The following ADD3 variants were observed in gnomAD, a reference collection of about 807,000 sequenced individuals.
The protein encoded by ADD3 is adducin 3, also known as gamma-adducin.
In ADD3, 25 loss-of-function variants were observed where a neutral mutation model predicts 80.2. The ratio of observed to expected loss-of-function variants is 0.31; its 90% CI spans 0.23 to 0.44. ADD3 has a LOEUF of 0.44. Ranked by LOEUF, ADD3 falls within the 20% of genes least tolerant of loss-of-function variation. The pLI is 1.00. For missense variants in ADD3, 829 were observed against 847.5 expected, an observed-to-expected ratio of 0.98 and a Z score of 0.27; for synonymous variants, 284 against 289.6, an observed-to-expected ratio of 0.98 and a Z score of 0.20.
intron 1 of ADD3, among the ~76,000 whole-genome samples, chr10:110,094,155 C>CT (rs1165235483): frequency 2.0e-5 from 3 of 152,090 alleles, no homozygotes; most frequent in African/African-American, 7.2e-5. Flanking sequence ...TTTAGTTCTT[C>CT]TTAATAGCCT....
chr10:110,008,631 C>G (rs4918474), intron 1 of ADD3, among the ~76,000 whole-genome samples: 9 of 152,142 alleles, frequency 5.9e-5, no homozygotes, highest in Non-Finnish European at 1.2e-4. Flanking sequence ...CGGGGAGTAC[C>G]AAAATCAGTT....
At chr10:110,045,037 T>A (rs954084497) in intron 1 of ADD3, among the ~76,000 whole-genome samples, 1 of 152,160 alleles carries the variant, frequency 6.6e-6, no homozygotes, top group African/African-American at 2.4e-5. Flanking sequence ...AGAAAATACT[T>A]TTCCGAAACA....
chr10:110,070,982 G>T (rs1178867923), intron 1 of ADD3, among the ~76,000 whole-genome samples: 262 of 18,702 alleles, frequency 0.014, 8 homozygotes, highest in African/African-American at 0.1. Flanking sequence ...TGTTGTTTTT[G>T]GGGGGGGGGG....
intron 1 of ADD3, chr10:110,077,009 T>A (rs2133713930): frequency 6.6e-6 from 1 of 152,338 alleles, no homozygotes; most frequent in African/African-American, 2.4e-5. Context: ...CTAACCACAT[T>A]GAGTGTGGAT....
chr10:110,109,637 A>G (rs1564994332), intron 2 of ADD3, among the ~76,000 whole-genome samples: 2 of 152,200 alleles, frequency 1.3e-5, no homozygotes, highest in Non-Finnish European at 2.9e-5. Flanking sequence ...AACTACTTTG[A>G]ACTGAGAAAA....
At position 110,061,677 on chromosome 10, in the gene ADD3, A is replaced by G. The variant is rs187776737; in HGVS notation, c.-29-38948A>G. On this transcript the variant is annotated intron_variant, in intron 1 of 14. Coordinates refer to ENST00000356080, the MANE Select transcript of ADD3 (RefSeq NM_016824.5). ...TGCTTTTCTTTTGTATTGCTGTATT[A>G]TCTTTATCTGGGTACCATAATCATC... is the stretch of plus-strand genomic sequence containing the variant. Among the ~76,000 whole-genome samples the G allele has an allele frequency of 1.8e-3, 275 of 152,274 alleles. 1 individual carries two copies. The highest frequency in any genetic ancestry group is 6.4e-3 in the African/African-American group (267 of 41,554).
At chr10:110,039,015 T>C (rs1855984403) in intron 1 of ADD3, among the ~76,000 whole-genome samples, 1 of 152,218 alleles carries the variant, frequency 6.6e-6, no homozygotes, top group Admixed American at 6.5e-5. Flanking sequence ...CCACAGTGTT[T>C]CCTAGCGATT....
chr10:110,063,737 T>TTTTATATATATATA (rs1491263798), intron 1 of ADD3, among the ~76,000 whole-genome samples: 2 of 64,654 alleles, frequency 3.1e-5, no homozygotes, highest in Non-Finnish European at 3.3e-5. Flanking sequence ...TATATATTCA[T>TTTTATATATATATA]TATATATATA....
At chr10:110,089,715 T>C (rs541420478) in intron 1 of ADD3, among the ~76,000 whole-genome samples, 3 of 151,300 alleles carry the variant, frequency 2.0e-5, no homozygotes, top group Non-Finnish European at 4.4e-5. Context: ...GTATATATGA[T>C]ATATGTTTAT....
At chr10:110,097,646 T>C (rs1848324814) in intron 1 of ADD3, among the ~76,000 whole-genome samples, 1 of 152,212 alleles carries the variant, frequency 6.6e-6, no homozygotes, top group Non-Finnish European at 1.5e-5. Flanking sequence ...TCACCAATTG[T>C]CTCACTGATG....
intron 1 of ADD3, among the ~76,000 whole-genome samples, chr10:110,062,123 G>A (rs1858972533): frequency 7.3e-6 from 1 of 136,352 alleles, no homozygotes; most frequent in Non-Finnish European, 1.5e-5. Flanking sequence ...AGCACTTTGG[G>A]AGGCCGAGGC....
chr10:110,130,019 C>T (rs1443309814), intron 12 of ADD3, among the ~76,000 whole-genome samples: 1 of 152,026 alleles, frequency 6.6e-6, no homozygotes, highest in Non-Finnish European at 1.5e-5. Context: ...GCCTTTTTTA[C>T]AGTGGTCTTT....
chr10:109,998,586 C>G (rs914857470), intron 1 of ADD3, among the ~76,000 whole-genome samples: 8 of 152,184 alleles, frequency 5.3e-5, no homozygotes, highest in African/African-American at 1.9e-4. Context: ...AGTCAAACTC[C>G]TCACCATGAT....
At chr10:110,104,887 C>T (rs1849239982) in intron 2 of ADD3, among the ~76,000 whole-genome samples, 1 of 152,154 alleles carries the variant, frequency 6.6e-6, no homozygotes, top group South Asian at 2.1e-4. Flanking sequence ...AGAATTTAAA[C>T]TGCAAAGCTC....
intron 1 of ADD3, among the ~76,000 whole-genome samples, chr10:110,025,478 A>G (rs1328163208): frequency 1.3e-5 from 2 of 152,132 alleles, no homozygotes; most frequent in South Asian, 4.1e-4. Context: ...TAGGCTTGCA[A>G]GTTTCTTCAG....
chr10:110,089,194 G>A (rs945600587), intron 1 of ADD3, among the ~76,000 whole-genome samples: 10 of 152,042 alleles, frequency 6.6e-5, no homozygotes, highest in African/African-American at 2.4e-4. Context: ...AAAGCTTTTT[G>A]CCTAGAAAGA....
chr10:110,018,956 A>G (rs140448543), intron 1 of ADD3, among the ~76,000 whole-genome samples: 103 of 152,334 alleles, frequency 6.8e-4, no homozygotes, highest in African/African-American at 2.4e-3. Flanking sequence ...TGAAGGCAGT[A>G]ATGCTTAGGA....
chr10:110,100,184 T>G (rs1658869560), intron 1 of ADD3, among the ~76,000 whole-genome samples: 1 of 152,030 alleles, frequency 6.6e-6, no homozygotes, highest in South Asian at 2.1e-4. Context: ...CCATCTCTAC[T>G]TAAAAAAATA....
rs753065727 is a variant in ADD3 at position 110,124,245 on chromosome 10, G to A, written c.1372G>A (p.Gly458Arg). Residue 458 changes from glycine (G) to arginine (R), a missense_variant, in exon 10 of 15, where the codon GGA becomes AGA. Physicochemically the swap from Gly to Arg is moderately radical, Grantham distance 125. Transcript: ENST00000356080. ...GAATGTGCCTGAGGAGTCTCGGAAC[G>A]GAGAAACCAGTCCCCGAACCAAAAT... ...KVNVPEESRN[G>R]ETSPRTKITW... 2.4e-5 allele frequency: 39 copies of A among 1,614,010 alleles called. No homozygotes were observed. In the Middle Eastern group the frequency reaches 9.9e-4, roughly 41 times the overall value.
Sources: allele counts gnomAD v4.1 joint callset (sites outside exome capture counted in the v4.1 genomes callset), GRCh38; gene constraint gnomAD v4.1.1; transcripts MANE v1.5; gene names NCBI Gene and HGNC (gene_info 2026-07-23, HGNC 2026-07-21).